NKAIN3: variants seen among roughly 807,000 people sequenced by gnomAD.
NKAIN3 encodes the protein sodium/potassium transporting ATPase interacting 3.
In NKAIN3, 25 loss-of-function variants were observed where a neutral mutation model predicts 30.2. The ratio of observed to expected loss-of-function variants is 0.83; its 90% CI spans 0.60 to 1.16. NKAIN3 has a LOEUF of 1.16. Among genes scored for constraint, NKAIN3 ranks in the 50% most tolerant of loss-of-function variants. The pLI is 0.00. For synonymous variants in NKAIN3, 91 were observed against 89.6 expected, an observed-to-expected ratio of 1.02 and a Z score of -0.09; for missense variants, 225 against 254.1, an observed-to-expected ratio of 0.89 and a Z score of 0.78.
At chr8:62,581,360 G>A (rs925520129) in intron 2 of NKAIN3, among the ~76,000 whole-genome samples, 1 of 152,028 alleles carries the variant, frequency 6.6e-6, no homozygotes, top group Admixed American at 6.6e-5. Flanking sequence ...TATGATATTG[G>A]TATTCTGCTG....
chr8:62,914,332 G>C (rs898891380), intron 4 of NKAIN3, among the ~76,000 whole-genome samples: 6 of 152,048 alleles, frequency 3.9e-5, no homozygotes, highest in African/African-American at 1.4e-4. Flanking sequence ...AATAGACACT[G>C]GGGCCTACTT....
Position 62,683,990 on chromosome 8 carries a change from T to C in NKAIN3, c.274-62942T>C, listed in dbSNP as rs117892667. Among the ~76,000 whole-genome samples the C allele has an allele frequency of 7.2e-3, 1,096 of 152,336 alleles. 8 individuals carry two copies. Among genetic ancestry groups the C allele is most frequent in the Non-Finnish European group, 0.011 (739 of 68,038 alleles). Reference sequence around the variant, plus strand: ...AGTCTCCCCAGTATTAGTGCTTCCATGTGAGATTTAGCCACATCTTCTGCC... The same window carrying C: ...AGTCTCCCCAGTATTAGTGCTTCCACGTGAGATTTAGCCACATCTTCTGCC... On this transcript the variant is annotated intron_variant, in intron 3 of 6. Transcript: ENST00000623646.
chr8:62,373,919 C>T (rs539179455), intron 1 of NKAIN3, among the ~76,000 whole-genome samples: 1 of 151,908 alleles, frequency 6.6e-6, no homozygotes, highest in South Asian at 2.1e-4. Context: ...TTGAAACCAA[C>T]CTGGGCAACA....
intron 3 of NKAIN3, among the ~76,000 whole-genome samples, chr8:62,626,165 A>G (rs1194150437): frequency 6.6e-6 from 1 of 152,068 alleles, no homozygotes; most frequent in Non-Finnish European, 1.5e-5. Flanking sequence ...TCTCATCACC[A>G]AAATAGGTAG....
At chr8:62,706,055 G>A (rs1814509673) in intron 3 of NKAIN3, among the ~76,000 whole-genome samples, 1 of 152,006 alleles carries the variant, frequency 6.6e-6, no homozygotes, top group Admixed American at 6.6e-5. Context: ...GTATTTTATT[G>A]GGGAATCCCA....
At chr8:62,882,036 C>T (rs950954632) in intron 4 of NKAIN3, among the ~76,000 whole-genome samples, 1 of 152,128 alleles carries the variant, frequency 6.6e-6, no homozygotes, top group African/African-American at 2.4e-5. Flanking sequence ...CTACTTACCT[C>T]TGTATATCTT....
chr8:62,404,318 G>A (rs1803989519), intron 1 of NKAIN3, among the ~76,000 whole-genome samples: 2 of 152,170 alleles, frequency 1.3e-5, no homozygotes, highest in African/African-American at 4.8e-5. Flanking sequence ...GTTTTGAAAT[G>A]CGAGGACATG....
At chr8:62,816,489 TGGGA>T (rs1818683600) in intron 4 of NKAIN3, among the ~76,000 whole-genome samples, 1 of 152,166 alleles carries the variant, frequency 6.6e-6, no homozygotes, top group African/African-American at 2.4e-5. Flanking sequence ...CTCAGGCTAC[TGGGA>T]GGTATATACA....
chr8:62,685,873 T>C (rs1813786023), intron 3 of NKAIN3, among the ~76,000 whole-genome samples: 1 of 152,226 alleles, frequency 6.6e-6, no homozygotes, highest in East Asian at 1.9e-4. Flanking sequence ...TCTATATGTC[T>C]AATCCCATCC....
At position 62,932,492 on chromosome 8, in the gene NKAIN3, A is replaced by G. The variant is rs188363206; in HGVS notation, c.532+13979A>G. Among the ~76,000 whole-genome samples, 3 of 152,340 alleles carry G rather than the reference A, an allele frequency of 2.0e-5. No individual in the cohort carries two copies. The East Asian group carries it at 5.8e-4, about 29-fold the overall frequency. On this transcript the variant is annotated intron_variant, in intron 5 of 6. Coordinates refer to ENST00000623646, the MANE Select transcript of NKAIN3 (RefSeq NM_001304533.3). The stretch of plus-strand genomic sequence containing the variant: ...TGGTCTCATGTGCAAAATACACATC[A>G]TCAGGAAGAGAACAAAGGAAAGACA...
At chr8:62,909,008 G>A (rs563436813) in intron 4 of NKAIN3, among the ~76,000 whole-genome samples, 1 of 152,186 alleles carries the variant, frequency 6.6e-6, no homozygotes, top group Non-Finnish European at 1.5e-5. Flanking sequence ...GAGTTCCCTG[G>A]AGGACCTTTT....
chr8:62,958,534 T>G (rs1484789547), intron 6 of NKAIN3, among the ~76,000 whole-genome samples: 2 of 151,968 alleles, frequency 1.3e-5, no homozygotes, highest in Admixed American at 1.3e-4. Context: ...CAGAACCCAG[T>G]GGTCAGCAGC....
At chr8:62,730,335 TG>T (rs1467389403) in intron 3 of NKAIN3, among the ~76,000 whole-genome samples, 1 of 152,086 alleles carries the variant, frequency 6.6e-6, no homozygotes, top group Non-Finnish European at 1.5e-5. Context: ...CCCAGAACAG[TG>T]TAGGCACAAA....
chr8:62,551,544 G>C (rs1200183909), intron 1 of NKAIN3, among the ~76,000 whole-genome samples: 1 of 152,306 alleles, frequency 6.6e-6, no homozygotes, highest in South Asian at 2.1e-4. Flanking sequence ...TTTGGTGCTG[G>C]AATAGGGCTC....
In NKAIN3 at chr8:62,764,094, G is replaced by A. The variant is rs184127195; in HGVS notation, c.471+16965G>A. On this transcript the variant is annotated intron_variant, in intron 4 of 6. Coordinates refer to ENST00000623646, the MANE Select transcript of NKAIN3 (RefSeq NM_001304533.3). ...GTCATTTGTGGTTTATGATTATGCC[G>A]ACCTTAGCCATTTGGCTGATGCCCT... Among the ~76,000 whole-genome samples the A allele has an allele frequency of 5.9e-4, 90 of 152,310 alleles. 1 individual carries two copies. The highest frequency in any genetic ancestry group is 5.8e-3 in the East Asian group (30 of 5,174).
intron 4 of NKAIN3, among the ~76,000 whole-genome samples, chr8:62,749,283 G>A (rs1035813513): frequency 1.3e-5 from 2 of 152,126 alleles, no homozygotes; most frequent in Non-Finnish European, 2.9e-5. Flanking sequence ...TATTTGATAA[G>A]GAGCTGGAGT....
rs375763087 is a variant in NKAIN3, at chr8:62,788,527, C to T, written c.471+41398C>T. Among the ~76,000 whole-genome samples, 55 of 152,096 alleles carry T rather than the reference C, an allele frequency of 3.6e-4. 1 individual carries two copies. In the East Asian group the frequency reaches 8.5e-3, roughly 24 times the overall value. On this transcript the variant is annotated intron_variant, in intron 4 of 6. Coordinates refer to ENST00000623646, the MANE Select transcript of NKAIN3 (RefSeq NM_001304533.3). The stretch of plus-strand genomic sequence containing the variant: ...GTGGTTTCTTTTGCTGTGCAGAGGC[C>T]GTTTAGTTTAATTAGATTCCGTTTG...
intron 4 of NKAIN3, among the ~76,000 whole-genome samples, chr8:62,774,186 T>C (rs982946768): frequency 6.6e-6 from 1 of 152,212 alleles, no homozygotes; most frequent in African/African-American, 2.4e-5. Flanking sequence ...GAGATTACTT[T>C]CTTGGTTTCT....
Position 62,477,023 on chromosome 8 carries a change from CAT to C in NKAIN3, c.55-102514_55-102513del, listed in dbSNP as rs370613733. Among the ~76,000 whole-genome samples, 936 of 152,154 alleles carry C rather than the reference CAT, an allele frequency of 6.2e-3. 9 individuals are homozygous for C. The highest frequency in any genetic ancestry group is 0.02 in the African/African-American group (842 of 41,522). On this transcript the variant is annotated intron_variant, in intron 1 of 6. Transcript: ENST00000623646. ...TATAGTCAGCTTTGATTGAGGGAAA[CAT>C]AGGAAGATACAGGAGCAATCAGAGG...
Sources: gnomAD v4.1 joint callset for allele counts (sites outside exome capture counted in the v4.1 genomes callset) on GRCh38, gnomAD v4.1.1 for gene constraint, MANE v1.5 for transcripts, NCBI Gene and HGNC (gene_info 2026-07-23, HGNC 2026-07-21) for gene names.